Variants in RADIL observed in about 807,000 individuals in gnomAD.
RADIL encodes the protein Rap associating with DIL domain.
In RADIL, 99 loss-of-function variants were observed where a neutral mutation model predicts 97.6. The ratio of observed to expected loss-of-function variants is 1.01; its 90% CI spans 0.86 to 1.20. RADIL has a LOEUF of 1.20. RADIL is among the 50% of genes most tolerant of loss of function. The pLI is 0.00. For missense variants in RADIL, 1,765 were observed against 1,498.9 expected (o/e 1.18, Z -2.93); for synonymous variants, 803 against 691.8 (o/e 1.16, Z -2.52).
intron 2 of RADIL, among the ~76,000 whole-genome samples, chr7:4,848,967 C>T (rs1206251784): frequency 1.3e-5 from 2 of 151,986 alleles, no homozygotes; most frequent in East Asian, 3.9e-4. Flanking sequence ...GGAGAAACCT[C>T]ATCTCTAATG....
At chr7:4,858,424 T>G (rs1783888549) in intron 2 of RADIL, 1 of 152,474 alleles carries the variant, frequency 6.6e-6, no homozygotes, top group Non-Finnish European at 1.5e-5. Context: ...GAGATTTTTT[T>G]TAACTTAAAG....
chr7:4,817,348 G>C lies in RADIL; in HGVS notation c.1619C>G (p.Ser540Trp). ...SMEEQLDITGSKESLFSCTLT... is the reference protein window; with the variant it reads ...SMEEQLDITGWKESLFSCTLT... ...CGTGCAGGAGAACAGCGATTCCTTC[G>C]AGCCTGCCGGGAGACAGCCACGCCA... Residue 540 changes from serine to tryptophan, a missense_variant, in exon 7 of 15, where the codon TCG becomes TGG. Coordinates refer to ENST00000399583, the MANE Select transcript of RADIL (RefSeq NM_018059.5). The surrounding 1 kb of genome is among the most constrained non-coding windows in gnomAD (Gnocchi z 8.3). 1 of 1,610,718 alleles carries C rather than the reference G, an allele frequency of 6.2e-7. No homozygotes were observed. Among genetic ancestry groups the C allele is most frequent in the Non-Finnish European group, 8.5e-7 (1 of 1,179,064 alleles).
At position 4,877,963 on chromosome 7, in the gene RADIL, C is replaced by A; in HGVS notation, c.177G>T (p.Leu59=). 1 of 1,611,446 alleles carries A rather than the reference C, an allele frequency of 6.2e-7. No individual in the cohort carries two copies. Among genetic ancestry groups the A allele is most frequent in the Non-Finnish European group, 8.5e-7 (1 of 1,179,982 alleles). ...ACACCTTCAGGACACCAGGGGCCGACAGCTGGGTGGAGAGCTCGGCGGGGT... is the reference window on the plus strand; with the variant it reads ...ACACCTTCAGGACACCAGGGGCCGAAAGCTGGGTGGAGAGCTCGGCGGGGT... ...SDDPAELSTQ[L]SAPGVLKVFG... is the part of the protein sequence containing the mutation. Residue 59 remains leucine, a synonymous_variant, in exon 2 of 15, where the codon CTG becomes CTT. Transcript: ENST00000399583.
chr7:4,801,687 G>A lies in RADIL; in HGVS notation c.2808C>T (p.Asn936=), dbSNP rs6945581. Residue 936 remains asparagine, a synonymous_variant, in exon 12 of 15, where the codon AAC becomes AAT. Coordinates refer to ENST00000399583, the MANE Select transcript of RADIL (RefSeq NM_018059.5). The stretch of plus-strand genomic sequence containing the variant: ...CTGCACCCCGGAGGCCGCTGAGTCC[G>A]TTCCTCTGCCTCTCTGGGAGCGCTT... ...CGKALPERQR[N]GLSGLRGAAP... 187,159 of 1,606,888 alleles carry A rather than the reference G, an allele frequency of 0.12. 14,087 individuals carry two copies. Among genetic ancestry groups the A allele is most frequent in the African/African-American group, 0.37 (27,364 of 74,746 alleles).
chr7:4,847,107 G>T (rs926339469), intron 2 of RADIL, among the ~76,000 whole-genome samples: 1 of 151,956 alleles, frequency 6.6e-6, no homozygotes. Flanking sequence ...GATCACTTGA[G>T]GTCAGGAGTT....
Position 4,815,161 on chromosome 7 carries a change from T to G in RADIL, c.2139+117A>C. 7.9e-7 allele frequency: 1 copy of G among 1,270,760 alleles called. No individual in the cohort carries two copies. Among genetic ancestry groups the G allele is most frequent in the Non-Finnish European group, 1.1e-6 (1 of 950,434 alleles). The allele number at this position is 1,270,760 out of a possible 1,614,324, so 78.7% of individuals were successfully genotyped here. On this transcript the variant is annotated intron_variant, in intron 9 of 14. Transcript: ENST00000399583. This position sits in a 1 kb window ranked among gnomAD's most constrained non-coding sequence, Gnocchi z 8.0. ...CTTTTCTGATTACCTACGGTAGCTTTGAGGTTTCCAGCCAAGAAGCCCCGT... is the reference window on the plus strand; with the variant it reads ...CTTTTCTGATTACCTACGGTAGCTTGGAGGTTTCCAGCCAAGAAGCCCCGT...
Position 4,827,621 on chromosome 7 carries a change from A to T in RADIL, c.1454+4520T>A, listed in dbSNP as rs550236424. ...GGTTGCAGTGAGCCGAGATCGTGCC[A>T]CTGTACTCCAGCCTGGGGGACAGGG... On this transcript the variant is annotated intron_variant, in intron 5 of 14. Coordinates refer to ENST00000399583, the MANE Select transcript of RADIL (RefSeq NM_018059.5). Among the ~76,000 whole-genome samples, 29 of 152,226 alleles carry T rather than the reference A, an allele frequency of 1.9e-4. 1 individual carries two copies. The highest frequency in any genetic ancestry group is 4.4e-5 in the Non-Finnish European group (3 of 68,044).
chr7:4,809,119 G>T (rs1782458858), intron 9 of RADIL: 4 of 984,926 alleles, frequency 4.1e-6, no homozygotes, highest in Non-Finnish European at 4.8e-6. Context: ...GCGCAGGACA[G>T]GCGCTTCCTG....
chr7:4,813,738 G>A lies in RADIL; in HGVS notation c.2139+1540C>T, dbSNP rs540458911. Among the ~76,000 whole-genome samples, 9 of 152,340 alleles carry A rather than the reference G, an allele frequency of 5.9e-5. No homozygotes were observed. In the South Asian group the frequency reaches 1.9e-3, roughly 32 times the overall value. The stretch of plus-strand genomic sequence containing the variant: ...CTCACGCCTTTCAACAGATGACTTT[G>A]TGTTTCTTTCCGGCTGTGCGGGCTG... On this transcript the variant is annotated intron_variant, in intron 9 of 14. Coordinates refer to ENST00000399583, the MANE Select transcript of RADIL (RefSeq NM_018059.5). The surrounding 1 kb of genome is among the most constrained non-coding windows in gnomAD (Gnocchi z 5.0).
At position 4,815,444 on chromosome 7, in the gene RADIL, G is replaced by T; in HGVS notation, c.1973C>A (p.Ser658Tyr). The T allele has an allele frequency of 2.6e-6, 4 of 1,523,310 alleles. No homozygotes were observed. Among genetic ancestry groups the T allele is most frequent in the East Asian group, 2.3e-5 (1 of 42,560 alleles). The allele number at this position is 1,523,310 out of a possible 1,614,324, so 94.4% of individuals were successfully genotyped here. A position where few individuals can be genotyped will look rare whatever the true frequency, so the allele number is the denominator to read the frequency against. ...TCTGGGCCAGTGGAAGCAGCTCAGG[G>T]AGGGGCCTGTGGAGGGAAGAAGGGA... ...LLNQLLDRGP[S>Y]LSCFHWPRGV... Residue 658 changes from serine to tyrosine, a missense_variant, in exon 9 of 15, where the codon TCC (serine) becomes TAC (tyrosine). Ser to Tyr is a moderately radical substitution (Grantham distance 144). Transcript: ENST00000399583. This position sits in a 1 kb window ranked among gnomAD's most constrained non-coding sequence, Gnocchi z 8.0.
Position 4,818,710 on chromosome 7 carries a change from C to T in RADIL, c.1616-1359G>A, listed in dbSNP as rs917889538. On this transcript the variant is annotated intron_variant, in intron 6 of 14. Coordinates refer to ENST00000399583, the MANE Select transcript of RADIL (RefSeq NM_018059.5). This position sits in a 1 kb window ranked among gnomAD's most constrained non-coding sequence, Gnocchi z 7.1. ...TCAGGAGGCTGAGCTCTGTCCCGTC[C>T]ACCTGTCCTGGTGCCCTGACCCTGG... Among the ~76,000 whole-genome samples, 12 of 152,222 alleles carry T rather than the reference C, an allele frequency of 7.9e-5. No individual in the cohort carries two copies. The highest frequency in any genetic ancestry group is 1.3e-4 in the Admixed American group (2 of 15,288).
rs1303357700 is a variant in RADIL, at chr7:4,834,814, C to G, written c.1209G>C (p.Gln403His). The G allele has an allele frequency of 7.6e-7, 1 of 1,323,546 alleles. No homozygotes were observed. The highest frequency in any genetic ancestry group is 3.0e-5 in the East Asian group (1 of 32,838). The allele number at this position is 1,323,546 out of a possible 1,614,324, so 82.0% of individuals were successfully genotyped here. Residue 403 changes from glutamine (Q) to histidine (H), a missense_variant, in exon 4 of 15, where the codon CAG (glutamine) becomes CAC (histidine). Coordinates refer to ENST00000399583, the MANE Select transcript of RADIL (RefSeq NM_018059.5). This position sits in a 1 kb window ranked among gnomAD's most constrained non-coding sequence, Gnocchi z 6.0. ...SPTQAALPRRQQLLLEFEPHL... is the reference protein window; with the variant it reads ...SPTQAALPRRHQLLLEFEPHL... Reference sequence around the variant, plus strand: ...GGGGCTCAAACTCCAGGAGCAGCTGCTGGCGCCGGGGCAGGGCGGCCTGAG... The same window carrying G: ...GGGGCTCAAACTCCAGGAGCAGCTGGTGGCGCCGGGGCAGGGCGGCCTGAG...
At position 4,840,137 on chromosome 7, in the gene RADIL, A is replaced by C. The variant is rs1274413691; in HGVS notation, c.536-3532T>G. 6.6e-6 allele frequency among the ~76,000 whole-genome samples: 1 copy of C among 152,158 alleles called. No individual in the cohort carries two copies. Among genetic ancestry groups the C allele is most frequent in the Non-Finnish European group, 1.5e-5 (1 of 68,036 alleles). On this transcript the variant is annotated intron_variant, in intron 2 of 14. Coordinates refer to ENST00000399583, the MANE Select transcript of RADIL (RefSeq NM_018059.5). This position sits in a 1 kb window ranked among gnomAD's most constrained non-coding sequence, Gnocchi z 5.6. ...TGTGACTTGGCCCTGTCCCAAGATG[A>C]GGCTGCGGCAGATGGGACCCAGCAC...
chr7:4,834,821 C>G lies in RADIL; in HGVS notation c.1202G>C (p.Arg401Pro), dbSNP rs746766301. 9 of 1,313,348 alleles carry G rather than the reference C, an allele frequency of 6.9e-6. No individual in the cohort carries two copies. The highest frequency in any genetic ancestry group is 1.5e-5 in the African/African-American group (1 of 65,118). 81.4% of individuals were successfully genotyped at this position (1,313,348 alleles called of 1,614,324 possible). A position where few individuals can be genotyped will look rare whatever the true frequency, so the allele number is the denominator to read the frequency against. The change falls in exon 4 of 15, where the codon CGG becomes CCG. Residue 401 changes from arginine (R) to proline (P), a missense_variant. Arg to Pro is a moderately radical substitution (Grantham distance 103, BLOSUM62 -2). Coordinates refer to ENST00000399583, the MANE Select transcript of RADIL (RefSeq NM_018059.5). The surrounding 1 kb of genome is among the most constrained non-coding windows in gnomAD (Gnocchi z 6.0). ...AAACTCCAGGAGCAGCTGCTGGCGC[C>G]GGGGCAGGGCGGCCTGAGTAGGGGA... is the stretch of plus-strand genomic sequence containing the variant. ...AASPTQAALPRRQQLLLEFEP... is the reference protein window; with the variant it reads ...AASPTQAALPPRQQLLLEFEP...
At chr7:4,882,181 G>T (rs1156780417) in intron 1 of RADIL, 4 of 152,270 alleles carry the variant, frequency 2.6e-5, no homozygotes, top group Admixed American at 6.5e-5. Flanking sequence ...ACCAGAGGGT[G>T]CCCACTTGTT....
intron 2 of RADIL, chr7:4,857,704 C>A (rs1371184373): frequency 6.6e-6 from 1 of 152,600 alleles, no homozygotes; most frequent in Admixed American, 6.5e-5. Flanking sequence ...AGATTTAAAT[C>A]GTACTATTGT....
intron 2 of RADIL, chr7:4,860,892 G>C (rs771343936): frequency 1.2e-6 from 2 of 1,614,054 alleles, no homozygotes; most frequent in Non-Finnish European, 1.7e-6. Flanking sequence ...CTATCACTGG[G>C]ATTTACTCTT....
chr7:4,862,256 G>A (rs759735273), intron 2 of RADIL, among the ~76,000 whole-genome samples: 13 of 152,176 alleles, frequency 8.5e-5, no homozygotes, highest in Non-Finnish European at 1.2e-4. Flanking sequence ...CCTTGACATC[G>A]CAGATGTGCA....
intron 2 of RADIL, among the ~76,000 whole-genome samples, chr7:4,863,675 AAG>A (rs1784071815): frequency 6.6e-6 from 1 of 152,326 alleles, no homozygotes; most frequent in Non-Finnish European, 1.5e-5. Context: ...CACCCAAGTC[AAG>A]AGAGAGAACT....
Sources: gnomAD v4.1 joint callset for allele counts (sites outside exome capture counted in the v4.1 genomes callset) on GRCh38, gnomAD v4.1.1 for gene constraint, Gnocchi (gnomAD v3.1) non-coding constraint, MANE v1.5 for transcripts, NCBI Gene and HGNC (gene_info 2026-07-23, HGNC 2026-07-21) for gene names.